The following PPP2R1A variants were observed in gnomAD, a reference collection of about 807,000 sequenced individuals.
PPP2R1A encodes serine/threonine-protein phosphatase 2A 65 kDa regulatory subunit A alpha isoform.
In PPP2R1A, 15 loss-of-function variants were observed where a neutral mutation model predicts 67.1. The ratio of observed to expected loss-of-function variants is 0.22; its 90% CI spans 0.15 to 0.34. PPP2R1A has a LOEUF of 0.34. Among genes scored for constraint, PPP2R1A ranks in the 10% least tolerant of loss-of-function variants. The pLI is 1.00. For synonymous variants in PPP2R1A, 337 were observed against 325.0 expected, an observed-to-expected ratio of 1.04 and a Z score of -0.40; for missense variants, 369 against 775.0, an observed-to-expected ratio of 0.48 and a Z score of 6.22.
intron 6 of PPP2R1A, among the ~76,000 whole-genome samples, chr19:52,215,080 G>A (rs903778901): frequency 1.3e-5 from 2 of 152,134 alleles, no homozygotes; most frequent in Non-Finnish European, 2.9e-5. Flanking sequence ...TTTTGAGACA[G>A]GGTCTCACAC....
At chr19:52,215,573 A>G (rs548560373) in intron 6 of PPP2R1A, among the ~76,000 whole-genome samples, 1 of 152,210 alleles carries the variant, frequency 6.6e-6, no homozygotes, top group African/African-American at 2.4e-5. Flanking sequence ...CGCAGTCCTC[A>G]TTTTTCTTTG....
Position 52,213,479 on chromosome 19 carries a change from TTTTTTTTTA to T in PPP2R1A, c.807+370_807+378del, listed in dbSNP as rs1357407914. Among the ~76,000 whole-genome samples the T allele has an allele frequency of 1.0e-5, 1 of 99,580 alleles. No homozygotes were observed. Among genetic ancestry groups the T allele is most frequent in the Non-Finnish European group, 2.0e-5 (1 of 49,960 alleles). The allele number at this position is 99,580 out of a possible 152,430, so 65.3% of individuals were successfully genotyped here. A position where few individuals can be genotyped will look rare whatever the true frequency, so the allele number is the denominator to read the frequency against. On this transcript the variant is annotated intron_variant, in intron 6 of 14. Coordinates refer to ENST00000322088, the MANE Select transcript of PPP2R1A (RefSeq NM_014225.6). The surrounding 1 kb of genome is among the most constrained non-coding windows in gnomAD (Gnocchi z 4.2). ...GGTGTTTTTTTTTTTTTTTTTTTTT[TTTTTTTTTA>T]AGATGGAGTCTGTCGCCCAGGCTAG...
intron 2 of PPP2R1A, among the ~76,000 whole-genome samples, chr19:52,204,621 T>C (rs1370917386): frequency 1.3e-5 from 2 of 152,104 alleles, no homozygotes; most frequent in Admixed American, 6.5e-5. Context: ...GAATAAGAAT[T>C]GAGTCCGTGG....
intron 2 of PPP2R1A, among the ~76,000 whole-genome samples, chr19:52,205,532 A>C (rs1311949573): frequency 6.6e-6 from 1 of 152,196 alleles, no homozygotes; most frequent in African/African-American, 2.4e-5. Flanking sequence ...ATCTCCAAGG[A>C]TAAAAATAAA....
intron 1 of PPP2R1A, among the ~76,000 whole-genome samples, chr19:52,192,951 C>T (rs2089467974): frequency 6.6e-6 from 1 of 152,192 alleles, no homozygotes; most frequent in Admixed American, 6.5e-5. Context: ...ACAGAGATGG[C>T]CGCAAAGCTT....
chr19:52,210,885 A>G (rs534976946), intron 3 of PPP2R1A, among the ~76,000 whole-genome samples: 1 of 152,274 alleles, frequency 6.6e-6, no homozygotes, highest in African/African-American at 2.4e-5. Context: ...TGCCTAGTAC[A>G]CACAGTGAGT....
chr19:52,196,090 T>C (rs1018934323), intron 1 of PPP2R1A, among the ~76,000 whole-genome samples: 1 of 151,958 alleles, frequency 6.6e-6, no homozygotes, highest in Non-Finnish European at 1.5e-5. Flanking sequence ...ATTTGAGGAG[T>C]TGTATGCAAG....
intron 2 of PPP2R1A, among the ~76,000 whole-genome samples, chr19:52,203,170 G>A (rs2089568507): frequency 6.6e-6 from 1 of 152,146 alleles, no homozygotes; most frequent in Non-Finnish European, 1.5e-5. Context: ...TCCCCACACT[G>A]GACAGATGGG....
At chr19:52,220,137 CCT>C (rs1344287024) in intron 10 of PPP2R1A, 50 bp from the exon 11 acceptor site, 26 of 1,578,834 alleles carry the variant, frequency 1.6e-5, no homozygotes, top group East Asian at 6.7e-5. Context: ...AGCAGCTCCC[CCT>C]GTTTGCTCTC....
Position 52,211,626 on chromosome 19 carries a change from C to T in PPP2R1A, c.503+134C>T, listed in dbSNP as rs761672038. On this transcript the variant is annotated intron_variant, in intron 4 of 14. Transcript: ENST00000322088. The surrounding 1 kb of genome is among the most constrained non-coding windows in gnomAD (Gnocchi z 5.3). ...CTCCACTCCCACTCCTGCTTACCAC[C>T]TGATAGGCCACATCCTCGAGAGTTG... 4.6e-5 allele frequency: 40 copies of T among 864,040 alleles called. 1 individual carries two copies. Among genetic ancestry groups the T allele is most frequent in the Middle Eastern group, 4.5e-4 (2 of 4,414 alleles). The allele number at this position is 864,040 out of a possible 1,614,324, so 53.5% of individuals were successfully genotyped here.
chr19:52,217,938 G>A (rs1978682556), intron 9 of PPP2R1A, among the ~76,000 whole-genome samples: 1 of 152,100 alleles, frequency 6.6e-6, no homozygotes, highest in Non-Finnish European at 1.5e-5. Context: ...TGAGGCTTAT[G>A]TGAAGGAAGG....
intron 6 of PPP2R1A, 30 bp from the exon 7 acceptor site, chr19:52,215,749 C>CA: frequency 6.3e-7 from 1 of 1,590,948 alleles, no homozygotes; most frequent in Non-Finnish European, 8.6e-7. Context: ...CAGCCCCTCT[C>CA]ACTCTCCCCC....
intron 9 of PPP2R1A, among the ~76,000 whole-genome samples, chr19:52,218,607 A>G (rs1379570354): frequency 1.3e-5 from 2 of 152,040 alleles, no homozygotes; most frequent in African/African-American, 4.8e-5. Context: ...TTATAATTTT[A>G]TAGATATTAA....
rs1481445229 is a variant in PPP2R1A, at chr19:52,190,087, C to G, written c.-10C>G. The G allele has an allele frequency of 2.6e-6, 4 of 1,546,786 alleles. No individual in the cohort carries two copies. The South Asian group carries it at 3.6e-5, about 14-fold the overall frequency. ...TGGCCGCAGTCTGACAGGAAAGGGACGGAGCCAAGATGGCGGCGGCCGACG... is the reference window on the plus strand; with the variant it reads ...TGGCCGCAGTCTGACAGGAAAGGGAGGGAGCCAAGATGGCGGCGGCCGACG... On this transcript the variant is annotated 5_prime_UTR_variant, in exon 1 of 15. Coordinates refer to ENST00000322088, the MANE Select transcript of PPP2R1A (RefSeq NM_014225.6).
chr19:52,206,143 G>A, intron 3 of PPP2R1A, 80 bp downstream of exon 3: 1 of 1,289,818 alleles, frequency 7.8e-7, no homozygotes, highest in Non-Finnish European at 1.1e-6. Flanking sequence ...AGGGAGGGGA[G>A]CGTGTCAGAG....
At chr19:52,197,132 T>C (rs1399328676) in intron 1 of PPP2R1A, among the ~76,000 whole-genome samples, 1 of 149,986 alleles carries the variant, frequency 6.7e-6, no homozygotes, top group East Asian at 1.9e-4. Flanking sequence ...ATAACATCTT[T>C]ATTTTCATTA....
intron 1 of PPP2R1A, among the ~76,000 whole-genome samples, chr19:52,195,563 T>C (rs1219010777): frequency 2.6e-5 from 4 of 152,182 alleles, no homozygotes; most frequent in Admixed American, 2.6e-4. Flanking sequence ...TCGCCTTCAG[T>C]TGCCATTCTG....
chr19:52,215,603 G>A (rs1978518248), intron 6 of PPP2R1A, among the ~76,000 whole-genome samples, 176 bp from the exon 7 acceptor site: 1 of 152,194 alleles, frequency 6.6e-6, no homozygotes, highest in African/African-American at 2.4e-5. Context: ...GAGGCTCAGC[G>A]AGGTGAAGAG....
intron 3 of PPP2R1A, 27 bp downstream of exon 3, chr19:52,206,090 G>T (rs1389502172): frequency 6.2e-7 from 1 of 1,600,718 alleles, no homozygotes; most frequent in Admixed American, 1.7e-5. Flanking sequence ...AAGTCCTCTT[G>T]CCCACCCCTT....
Sources: allele counts gnomAD v4.1 joint callset (sites outside exome capture counted in the v4.1 genomes callset), GRCh38; gene constraint gnomAD v4.1.1; non-coding constraint Gnocchi (gnomAD v3.1); transcripts MANE v1.5; gene names NCBI Gene and HGNC (gene_info 2026-07-23, HGNC 2026-07-21).